The following SLC35D1 variants were observed in gnomAD, a reference collection of about 807,000 sequenced individuals.
SLC35D1 encodes nucleotide sugar transporter SLC35D1.
SLC35D1 carries 31 observed loss-of-function variants against 46.7 expected under a neutral mutation model. The observed-to-expected ratio is 0.66, with a 90% CI of 0.50 to 0.90. The LOEUF (loss-of-function observed/expected upper bound fraction) is 0.90. SLC35D1 is among the 40% of genes least tolerant of loss of function. The pLI, the probability that SLC35D1 is intolerant of heterozygous loss-of-function variation, is 0.00. For missense variants in SLC35D1, 397 were observed against 426.2 expected, an observed-to-expected ratio of 0.93 and a Z score of 0.60; for synonymous variants, 195 against 164.6, an observed-to-expected ratio of 1.18 and a Z score of -1.41.
In SLC35D1 at chr1:67,004,423, A is replaced by T. The variant is rs28491020; in HGVS notation, c.985T>A (p.Tyr329Asn). 1 of 1,614,060 alleles carries T rather than the reference A, an allele frequency of 6.2e-7. No individual in the cohort carries two copies. The highest frequency in any genetic ancestry group is 1.3e-5 in the African/African-American group (1 of 75,074). Residue 329 changes from tyrosine to asparagine, a missense_variant, in exon 12 of 12, where the codon TAT becomes AAT. Tyr to Asn is a moderately radical substitution (Grantham distance 143, BLOSUM62 -2). Coordinates refer to ENST00000235345, the MANE Select transcript of SLC35D1 (RefSeq NM_015139.3). ...ISIAGSLVYS[Y>N]ITFTEEQLSK... is the part of the protein sequence containing the mutation. Reference sequence around the variant, plus strand: ...AGCTGCTCTTCAGTGAAAGTGATATAGGAATATACCAGGCTCCCAGCAATG... The same window carrying T: ...AGCTGCTCTTCAGTGAAAGTGATATTGGAATATACCAGGCTCCCAGCAATG...
intron 11 of SLC35D1, among the ~76,000 whole-genome samples, chr1:67,005,620 T>C (rs1667432445): frequency 6.6e-6 from 1 of 152,194 alleles, no homozygotes; most frequent in Admixed American, 6.5e-5. Flanking sequence ...TTTACATACA[T>C]TTCCTGTTTT....
rs1026841482 is a variant in SLC35D1, at chr1:67,052,038, C to T, written c.366G>A (p.Thr122=). The T allele has an allele frequency of 1.2e-6, 2 of 1,610,544 alleles. No individual in the cohort carries two copies. Among genetic ancestry groups the T allele is most frequent in the Non-Finnish European group, 8.5e-7 (1 of 1,176,974 alleles). Residue 122 remains threonine (T), a synonymous_variant, in exon 4 of 12, where the codon ACG becomes ACA. Transcript: ENST00000235345. The part of the protein sequence containing the change: ...LPLLYFGNQI[T]GLFSTKKLNL... ...TCAGTTTCTTTGTGCTGAACAGTCC[C>T]GTGATTTGGTTCCCAAAATATAGTA...
At chr1:67,026,746 G>C (rs1181372075) in intron 8 of SLC35D1, among the ~76,000 whole-genome samples, 4 of 152,094 alleles carry the variant, frequency 2.6e-5, no homozygotes, top group Non-Finnish European at 5.9e-5. Context: ...AGGAATACCT[G>C]AGACTGGGTA....
chr1:66,984,614 A>C, the SLC35D1 span: 6 of 1,609,810 alleles, frequency 3.7e-6, no homozygotes, highest in Non-Finnish European at 5.1e-6. Context: ...AACAAAGAGG[A>C]AGTAAAAGTT....
At chr1:67,016,380 A>T (rs916786992) in intron 10 of SLC35D1, among the ~76,000 whole-genome samples, 2 of 152,022 alleles carry the variant, frequency 1.3e-5, no homozygotes, top group African/African-American at 4.8e-5. Flanking sequence ...AGAAATTAAT[A>T]AAAAAAGACC....
intron 10 of SLC35D1, 51 bp downstream of exon 10, chr1:67,020,318 C>A (rs374553751): frequency 3.3e-6 from 4 of 1,223,814 alleles, no homozygotes; most frequent in African/African-American, 1.5e-5. Flanking sequence ...CTTAAAGGAA[C>A]AATTTTCAAA....
chr1:67,014,247 T>A (rs938547295), intron 10 of SLC35D1, among the ~76,000 whole-genome samples: 1 of 152,212 alleles, frequency 6.6e-6, no homozygotes. Flanking sequence ...CACTAACACA[T>A]TCAAACTCCT....
chr1:67,006,546 A>T (rs552298780), intron 11 of SLC35D1, among the ~76,000 whole-genome samples: 1 of 152,298 alleles, frequency 6.6e-6, no homozygotes, highest in South Asian at 2.1e-4. Flanking sequence ...ATGATCTTTG[A>T]TGTTCACATT....
the SLC35D1 span, among the ~76,000 whole-genome samples, chr1:66,992,570 T>G: frequency 6.6e-6 from 1 of 152,230 alleles, no homozygotes; most frequent in African/African-American, 2.4e-5. Context: ...CTGAGCTGCT[T>G]TGACAATGTC....
Position 67,049,790 on chromosome 1 carries a change from T to A in SLC35D1, c.525A>T (p.Val175=). 6.2e-7 allele frequency: 1 copy of A among 1,613,664 alleles called. No homozygotes were observed. The highest frequency in any genetic ancestry group is 8.5e-7 in the Non-Finnish European group (1 of 1,179,712). Residue 175 remains valine, a synonymous_variant, in exon 6 of 12, where the codon GTA becomes GTT. Transcript: ENST00000235345. The part of the protein sequence containing the change: ...TVFAMIIGAF[V]AASSDLAFDL... ...ATAGGCCCACATCTTACCTGGCAGC[T>A]ACAAAGGCTCCAATAATCATTGCAA...
the SLC35D1 span, among the ~76,000 whole-genome samples, chr1:66,979,538 T>C: frequency 6.6e-6 from 1 of 152,216 alleles, no homozygotes; most frequent in African/African-American, 2.4e-5. Flanking sequence ...GCTTTCCAAA[T>C]AATTTTTCCA....
chr1:66,974,694 CAAGGTAG>C, the SLC35D1 span, among the ~76,000 whole-genome samples: 7 of 152,050 alleles, frequency 4.6e-5, no homozygotes, highest in Non-Finnish European at 7.4e-5. Context: ...TTAAATGTTA[CAAGGTAG>C]AAGTCAGCTG....
Position 67,009,186 on chromosome 1 carries a change from A to C in SLC35D1, c.877-19T>G. Reference sequence around the variant, plus strand: ...ATATATTCTAAAAATAAAAATAGTAATATACTGTTATATAGGTTTAACTGA... The same window carrying C: ...ATATATTCTAAAAATAAAAATAGTACTATACTGTTATATAGGTTTAACTGA... On this transcript the variant is annotated intron_variant, in intron 10 of 11. Transcript: ENST00000235345. 1.1e-6 allele frequency: 1 copy of C among 911,158 alleles called. No individual in the cohort carries two copies. The highest frequency in any genetic ancestry group is 1.7e-6 in the Non-Finnish European group (1 of 587,422). The allele number at this position is 911,158 out of a possible 1,614,324, so 56.4% of individuals were successfully genotyped here.
chr1:66,976,774 C>A, the SLC35D1 span: 2 of 1,392,018 alleles, frequency 1.4e-6, no homozygotes, highest in African/African-American at 2.9e-5. Context: ...CTAAGCTTTT[C>A]TAGATTTTTC....
the SLC35D1 span, among the ~76,000 whole-genome samples, chr1:66,992,750 T>A: frequency 6.6e-6 from 1 of 152,246 alleles, no homozygotes; most frequent in Non-Finnish European, 1.5e-5. Context: ...GTCTTCATCA[T>A]AAGATGGCAG....
intron 10 of SLC35D1, among the ~76,000 whole-genome samples, chr1:67,015,172 A>G (rs991142820): frequency 6.7e-6 from 1 of 150,010 alleles, no homozygotes; most frequent in Non-Finnish European, 1.5e-5. Context: ...AAAAAAAAAA[A>G]AAAAAAAAAA....
chr1:67,036,533 C>T (rs1668126425), intron 8 of SLC35D1, among the ~76,000 whole-genome samples: 1 of 151,884 alleles, frequency 6.6e-6, no homozygotes, highest in Admixed American at 6.6e-5. Context: ...ATATAGTGAC[C>T]TTCTTTGTGT....
At chr1:67,047,691 C>G (rs1645266443) in intron 6 of SLC35D1, among the ~76,000 whole-genome samples, 1 of 152,142 alleles carries the variant, frequency 6.6e-6, no homozygotes, top group Non-Finnish European at 1.5e-5. Flanking sequence ...GTGAAGCAGG[C>G]AGAAGCAGGC....
At chr1:67,042,059 C>A (rs1645193091) in intron 8 of SLC35D1, among the ~76,000 whole-genome samples, 177 bp downstream of exon 8, 1 of 152,188 alleles carries the variant, frequency 6.6e-6, no homozygotes. Flanking sequence ...TTTGTACTAT[C>A]CAATGTTTAC....
Sources: allele counts gnomAD v4.1 joint callset (sites outside exome capture counted in the v4.1 genomes callset), GRCh38; gene constraint gnomAD v4.1.1; transcripts MANE v1.5; gene names NCBI Gene and HGNC (gene_info 2026-07-23, HGNC 2026-07-21).